The following ZNF804A variants were observed in gnomAD, a reference collection of about 807,000 sequenced individuals.
The protein encoded by ZNF804A is zinc finger protein 804A.
A neutral mutation model predicts 16.5 loss-of-function variants in ZNF804A; 2 were observed. The observed-to-expected ratio is 0.12, with a 90% CI of 0.05 to 0.38. The LOEUF (loss-of-function observed/expected upper bound fraction) is 0.38. Among genes scored for constraint, ZNF804A ranks in the 10% least tolerant of loss-of-function variants. The pLI, the probability that ZNF804A is intolerant of heterozygous loss-of-function variation, is 0.99. For missense variants in ZNF804A, 1,473 were observed against 1,390.7 expected (o/e 1.06, Z -0.94); for synonymous variants, 534 against 489.6 (o/e 1.09, Z -1.20).
intron 1 of ZNF804A, among the ~76,000 whole-genome samples, chr2:184,713,135 C>T (rs1035076896): frequency 3.3e-5 from 5 of 151,734 alleles, no homozygotes; most frequent in African/African-American, 1.2e-4. Flanking sequence ...AGCCACCTCT[C>T]CCAGTCTTTA....
chr2:184,932,487 C>G (rs901921772), intron 2 of ZNF804A, among the ~76,000 whole-genome samples: 2 of 152,092 alleles, frequency 1.3e-5, no homozygotes, highest in Non-Finnish European at 2.9e-5. Flanking sequence ...GAGACTCATT[C>G]ACTATCACAA....
At chr2:184,872,698 A>C (rs1247475360) in intron 2 of ZNF804A, among the ~76,000 whole-genome samples, 1 of 152,210 alleles carries the variant, frequency 6.6e-6, no homozygotes, top group African/African-American at 2.4e-5. Flanking sequence ...AACTGACCTC[A>C]GATTCAACAA....
intron 1 of ZNF804A, among the ~76,000 whole-genome samples, chr2:184,695,518 G>C (rs1193986358): frequency 8.4e-6 from 1 of 119,198 alleles, no homozygotes; most frequent in East Asian, 2.4e-4. Context: ...CTTTTTTTAA[G>C]AGACAGGGTC....
At chr2:184,802,161 C>T (rs1694736677) in intron 1 of ZNF804A, among the ~76,000 whole-genome samples, 1 of 152,122 alleles carries the variant, frequency 6.6e-6, no homozygotes, top group Admixed American at 6.5e-5. Flanking sequence ...TAAATCTTAG[C>T]CTTGTATTGG....
At chr2:184,758,441 G>A (rs568791060) in intron 1 of ZNF804A, among the ~76,000 whole-genome samples, 1 of 151,930 alleles carries the variant, frequency 6.6e-6, no homozygotes, top group South Asian at 2.1e-4. Context: ...ATTCTATAAA[G>A]TAGATACTAT....
chr2:184,612,895 A>G (rs1289980625), intron 1 of ZNF804A, among the ~76,000 whole-genome samples: 2 of 152,210 alleles, frequency 1.3e-5, no homozygotes, highest in African/African-American at 4.8e-5. Flanking sequence ...GGGTTAATTA[A>G]GTAAATAATA....
At chr2:184,827,295 GT>G (rs773444024) in intron 1 of ZNF804A, among the ~76,000 whole-genome samples, 64 of 150,532 alleles carry the variant, frequency 4.3e-4, no homozygotes, top group Non-Finnish European at 7.7e-4. Context: ...TGAAAATCCA[GT>G]TATATTTTTA....
chr2:184,917,119 C>A (rs557896163), intron 2 of ZNF804A, among the ~76,000 whole-genome samples: 2 of 152,068 alleles, frequency 1.3e-5, no homozygotes, highest in Non-Finnish European at 2.9e-5. Context: ...TATATAGATA[C>A]CATGGACTAG....
intron 1 of ZNF804A, among the ~76,000 whole-genome samples, chr2:184,702,558 T>G (rs1048564716): frequency 2.0e-5 from 3 of 152,104 alleles, no homozygotes; most frequent in Non-Finnish European, 4.4e-5. Context: ...GATATCATCC[T>G]GATAAAGAGT....
intron 1 of ZNF804A, among the ~76,000 whole-genome samples, chr2:184,793,713 T>A (rs1694588373): frequency 6.6e-6 from 1 of 152,126 alleles, no homozygotes. Flanking sequence ...CTCTTCTTCC[T>A]CACCACCTTC....
intron 1 of ZNF804A, among the ~76,000 whole-genome samples, chr2:184,704,828 G>A (rs892674163): frequency 6.6e-6 from 1 of 152,156 alleles, no homozygotes; most frequent in African/African-American, 2.4e-5. Context: ...GAATGACACT[G>A]GTCGCTAACA....
At chr2:184,674,009 A>G (rs1172886873) in intron 1 of ZNF804A, among the ~76,000 whole-genome samples, 1 of 152,032 alleles carries the variant, frequency 6.6e-6, no homozygotes, top group Non-Finnish European at 1.5e-5. Context: ...AGTTTTATTC[A>G]TTTTTTCATG....
chr2:184,882,487 C>CA (rs1160113978), intron 2 of ZNF804A, among the ~76,000 whole-genome samples: 1 of 152,010 alleles, frequency 6.6e-6, no homozygotes, highest in Non-Finnish European at 1.5e-5. Flanking sequence ...CACTCTACCC[C>CA]AAACAACATT....
chr2:184,683,579 T>A (rs1260806545), intron 1 of ZNF804A, among the ~76,000 whole-genome samples: 1 of 152,186 alleles, frequency 6.6e-6, no homozygotes, highest in African/African-American at 2.4e-5. Flanking sequence ...ATCATTTTTT[T>A]CTTCTTGAGC....
intron 1 of ZNF804A, among the ~76,000 whole-genome samples, chr2:184,830,489 G>T (rs1695246048): frequency 6.6e-6 from 1 of 152,136 alleles, no homozygotes; most frequent in Non-Finnish European, 1.5e-5. Flanking sequence ...AAAGATAGAA[G>T]TAATTACTTT....
chr2:184,873,137 A>G (rs1695999775), intron 2 of ZNF804A, among the ~76,000 whole-genome samples: 1 of 152,180 alleles, frequency 6.6e-6, no homozygotes, highest in Non-Finnish European at 1.5e-5. Context: ...GGAAGTCAAA[A>G]CTTTATATAT....
intron 1 of ZNF804A, among the ~76,000 whole-genome samples, chr2:184,807,265 A>G (rs1694822112): frequency 6.6e-6 from 1 of 151,880 alleles, no homozygotes; most frequent in Non-Finnish European, 1.5e-5. Flanking sequence ...TGTTACATTT[A>G]AGGTAGTTAT....
chr2:184,896,103 T>C (rs1685061184), intron 2 of ZNF804A, among the ~76,000 whole-genome samples: 1 of 152,064 alleles, frequency 6.6e-6, no homozygotes, highest in Non-Finnish European at 1.5e-5. Context: ...TTTTTGAATG[T>C]TTGAAATAAT....
chr2:184,789,562 G>A (rs912524041), intron 1 of ZNF804A, among the ~76,000 whole-genome samples: 2 of 151,794 alleles, frequency 1.3e-5, no homozygotes, highest in Admixed American at 6.6e-5. Context: ...ATTCAATCTC[G>A]GGAGGTTGTA....
Sources: allele counts gnomAD v4.1 joint callset (sites outside exome capture counted in the v4.1 genomes callset), GRCh38; gene constraint gnomAD v4.1.1; transcripts MANE v1.5; gene names NCBI Gene and HGNC (gene_info 2026-07-23, HGNC 2026-07-21).